The following NFIA variants were observed in gnomAD, a reference collection of about 807,000 sequenced individuals.
NFIA encodes the protein nuclear factor I A.
Under a neutral mutation model 62.8 loss-of-function variants are expected in NFIA, and 8 were observed. The observed-to-expected ratio is 0.13, with a 90% CI of 0.07 to 0.23. The LOEUF (loss-of-function observed/expected upper bound fraction) is 0.23. Ranked by LOEUF, NFIA falls within the 10% of genes least tolerant of loss-of-function variation. The pLI is 1.00. For missense variants in NFIA, 410 were observed against 642.1 expected (o/e 0.64, Z 3.91); for synonymous variants, 235 against 238.1 (o/e 0.99, Z 0.12).
At chr1:61,223,316 A>C (rs1654129919) in intron 2 of NFIA, among the ~76,000 whole-genome samples, 1 of 152,070 alleles carries the variant, frequency 6.6e-6, no homozygotes, top group African/African-American at 2.4e-5. Context: ...AATGTTTACC[A>C]GGAAAATGTG....
At chr1:61,112,346 A>G (rs1213224786) in intron 2 of NFIA, among the ~76,000 whole-genome samples, 2 of 152,200 alleles carry the variant, frequency 1.3e-5, no homozygotes, top group East Asian at 1.9e-4. Context: ...AAATCAAGGT[A>G]CAGTATCATT....
chr1:61,315,149 A>G (rs967986543), intron 3 of NFIA, among the ~76,000 whole-genome samples: 6 of 152,342 alleles, frequency 3.9e-5, no homozygotes, highest in Non-Finnish European at 8.8e-5. Flanking sequence ...TTACTGTATA[A>G]GAGAGCAGAA....
At chr1:61,109,327 A>G (rs1317530991) in intron 2 of NFIA, among the ~76,000 whole-genome samples, 2 of 151,852 alleles carry the variant, frequency 1.3e-5, no homozygotes, top group Non-Finnish European at 2.9e-5. Flanking sequence ...ATCTCTACAG[A>G]TGGCAAATGG....
intron 2 of NFIA, among the ~76,000 whole-genome samples, chr1:61,275,824 G>A (rs760893957): frequency 5.3e-5 from 8 of 151,900 alleles, no homozygotes; most frequent in African/African-American, 9.7e-5. Context: ...TTATAGGCTT[G>A]TTTCCTAGAA....
chr1:61,455,531 TA>T lies in NFIA; in HGVS notation c.*212del. 6 of 650,002 alleles carry T rather than the reference TA, an allele frequency of 9.2e-6. No individual in the cohort carries two copies. The highest frequency in any genetic ancestry group is 1.3e-5 in the Non-Finnish European group (5 of 384,906). 40.3% of individuals were successfully genotyped at this position (650,002 alleles called of 1,614,324 possible). On this transcript the variant is annotated 3_prime_UTR_variant, in exon 11 of 11. Coordinates refer to ENST00000403491, the MANE Select transcript of NFIA (RefSeq NM_001134673.4). The stretch of plus-strand genomic sequence containing the variant: ...TTTTGGGATTTTTTTTTTTTTAAAA[TA>T]CTTTAGGGACTGTTGTAATTTCTCA...
intron 2 of NFIA, among the ~76,000 whole-genome samples, chr1:61,268,269 A>G (rs961935218): frequency 4.6e-5 from 7 of 152,200 alleles, no homozygotes; most frequent in Non-Finnish European, 8.8e-5. Flanking sequence ...TTACTGTGCC[A>G]TTCTTACTCC....
At chr1:61,444,802 T>C (rs1667734199) in intron 10 of NFIA, among the ~76,000 whole-genome samples, 1 of 152,180 alleles carries the variant, frequency 6.6e-6, no homozygotes, top group Non-Finnish European at 1.5e-5. Context: ...AAATAAACAA[T>C]AGAATTTCCT....
intron 2 of NFIA, among the ~76,000 whole-genome samples, chr1:61,205,517 T>G (rs942037229): frequency 2.6e-5 from 4 of 152,228 alleles, no homozygotes; most frequent in African/African-American, 9.6e-5. Context: ...TCCAGTGTCT[T>G]CATATTAACC....
intron 2 of NFIA, among the ~76,000 whole-genome samples, chr1:61,092,777 G>A (rs899228308): frequency 5.9e-5 from 9 of 152,222 alleles, no homozygotes; most frequent in Non-Finnish European, 5.9e-5. Context: ...AGAGAAAGCC[G>A]TGATATGCAG....
intron 3 of NFIA, among the ~76,000 whole-genome samples, chr1:61,282,899 C>T (rs986270238): frequency 4.0e-5 from 6 of 151,812 alleles, no homozygotes; most frequent in Admixed American, 1.3e-4. Flanking sequence ...TAGGTTTAAT[C>T]ATGTTTGTTC....
At chr1:61,410,544 A>G (rs1666051837) in intron 9 of NFIA, among the ~76,000 whole-genome samples, 1 of 152,320 alleles carries the variant, frequency 6.6e-6, no homozygotes, top group East Asian at 1.9e-4. Context: ...TGTAAACTGT[A>G]TGATGTAAAA....
At chr1:61,294,055 T>TCAGATTCC (rs1475360850) in intron 3 of NFIA, among the ~76,000 whole-genome samples, 1 of 152,218 alleles carries the variant, frequency 6.6e-6, no homozygotes, top group Non-Finnish European at 1.5e-5. Context: ...TGACCAGTGG[T>TCAGATTCC]CAGATTCCCA....
chr1:61,378,000 C>T (rs1273860789), intron 6 of NFIA, among the ~76,000 whole-genome samples: 1 of 152,126 alleles, frequency 6.6e-6, no homozygotes, highest in Non-Finnish European at 1.5e-5. Context: ...AAAAATCTCC[C>T]CTTTAAGAAG....
chr1:61,353,119 C>G (rs911678288), intron 5 of NFIA, among the ~76,000 whole-genome samples: 3 of 152,098 alleles, frequency 2.0e-5, no homozygotes, highest in Non-Finnish European at 4.4e-5. Context: ...AGTGCCAGCT[C>G]TTTTCCCACC....
intron 10 of NFIA, among the ~76,000 whole-genome samples, chr1:61,441,438 G>T (rs1667578649): frequency 6.6e-6 from 1 of 151,856 alleles, no homozygotes; most frequent in Admixed American, 6.6e-5. Flanking sequence ...GCAGACAAAG[G>T]TCAAAATTCC....
At chr1:61,185,861 T>C (rs933281749) in intron 2 of NFIA, among the ~76,000 whole-genome samples, 2 of 152,142 alleles carry the variant, frequency 1.3e-5, no homozygotes, top group Non-Finnish European at 2.9e-5. Context: ...TGTTTATATT[T>C]TCCATAATAC....
chr1:61,257,329 G>GATTTTTT (rs1656464487), intron 2 of NFIA, among the ~76,000 whole-genome samples: 1 of 54,696 alleles, frequency 1.8e-5, no homozygotes, highest in Non-Finnish European at 3.3e-5. Flanking sequence ...TTACTGCGTT[G>GATTTTTT]TTTTTTTTTT....
chr1:61,127,427 A>G (rs1445349814), intron 2 of NFIA, among the ~76,000 whole-genome samples: 1 of 151,664 alleles, frequency 6.6e-6, no homozygotes, highest in African/African-American at 2.4e-5. Context: ...GTGTCACTGC[A>G]CTCCAGCCTG....
intron 2 of NFIA, among the ~76,000 whole-genome samples, chr1:61,125,446 A>G (rs529805611): frequency 5.3e-5 from 8 of 152,354 alleles, no homozygotes; most frequent in African/African-American, 1.7e-4. Context: ...TATGCTGATA[A>G]AAGAATTCGA....
Sources: allele counts gnomAD v4.1 joint callset (sites outside exome capture counted in the v4.1 genomes callset), GRCh38; gene constraint gnomAD v4.1.1; transcripts MANE v1.5; gene names NCBI Gene and HGNC (gene_info 2026-07-23, HGNC 2026-07-21).